The following GPC5 variants were observed in gnomAD, a reference collection of about 807,000 sequenced individuals.
The protein encoded by GPC5 is glypican-5.
In GPC5, 47 loss-of-function variants were observed where a neutral mutation model predicts 53.9. That is an observed-to-expected ratio of 0.87 (90% CI 0.69 to 1.11). GPC5 has a LOEUF of 1.11. Among genes scored for constraint, GPC5 ranks in the 50% most tolerant of loss-of-function variants. The probability of loss-of-function intolerance (pLI) is 0.00; values close to 1 mark genes in which losing one functional copy is unlikely to be tolerated. For missense variants in GPC5, 748 were observed against 713.1 expected (o/e 1.05, Z -0.56); for synonymous variants, 286 against 263.3 (o/e 1.09, Z -0.84).
intron 7 of GPC5, among the ~76,000 whole-genome samples, chr13:92,403,386 G>A (rs542017493): frequency 7.0e-4 from 107 of 152,298 alleles, no homozygotes; most frequent in Non-Finnish European, 6.0e-4. Flanking sequence ...GGCCTGTTAG[G>A]AACTGGTCCA....
intron 7 of GPC5, among the ~76,000 whole-genome samples, chr13:92,655,948 T>A (rs764058741): frequency 1.4e-4 from 21 of 152,192 alleles, no homozygotes; most frequent in Non-Finnish European, 2.5e-4. Flanking sequence ...TAGCAAACAC[T>A]GTATTAGGTT....
intron 5 of GPC5, among the ~76,000 whole-genome samples, chr13:91,848,554 A>G (rs1189809295): frequency 2.0e-5 from 3 of 152,198 alleles, no homozygotes; most frequent in Admixed American, 2.0e-4. Context: ...AAGAACAGAA[A>G]CTGGAAATAG....
At chr13:91,680,031 C>G (rs1319995211) in intron 2 of GPC5, among the ~76,000 whole-genome samples, 1 of 152,034 alleles carries the variant, frequency 6.6e-6, no homozygotes, top group Non-Finnish European at 1.5e-5. Flanking sequence ...CGAAATGAGT[C>G]TATAGCTTCA....
chr13:92,637,837 C>T (rs1885458535), intron 7 of GPC5, among the ~76,000 whole-genome samples: 1 of 151,908 alleles, frequency 6.6e-6, no homozygotes, highest in Non-Finnish European at 1.5e-5. Context: ...TAGATAATGA[C>T]ATTAAAACAG....
At chr13:92,423,895 T>C (rs1240807856) in intron 7 of GPC5, among the ~76,000 whole-genome samples, 2 of 152,160 alleles carry the variant, frequency 1.3e-5, no homozygotes, top group Non-Finnish European at 2.9e-5. Context: ...AGAGCCGCGT[T>C]AAACAGATAA....
At chr13:92,251,558 A>G (rs2042692839) in intron 7 of GPC5, among the ~76,000 whole-genome samples, 1 of 151,586 alleles carries the variant, frequency 6.6e-6, no homozygotes. Flanking sequence ...TGCTCCCTAC[A>G]TGATCATGGG....
intron 7 of GPC5, among the ~76,000 whole-genome samples, chr13:92,456,938 G>C (rs189187981): frequency 2.8e-4 from 42 of 152,200 alleles, no homozygotes; most frequent in Admixed American, 4.6e-4. Context: ...GGGTACGAAT[G>C]ATTCCATTCC....
chr13:91,798,048 G>T (rs1459621399), intron 5 of GPC5, among the ~76,000 whole-genome samples: 1 of 152,168 alleles, frequency 6.6e-6, no homozygotes, highest in African/African-American at 2.4e-5. Flanking sequence ...GAAAGGAGTG[G>T]TTCCAAAAGT....
At chr13:91,889,678 C>T (rs2039364238) in intron 5 of GPC5, among the ~76,000 whole-genome samples, 1 of 152,070 alleles carries the variant, frequency 6.6e-6, no homozygotes, top group Non-Finnish European at 1.5e-5. Flanking sequence ...TTTTAGATTA[C>T]TTTAGTATCA....
At chr13:91,428,555 T>C (rs1334690266) in intron 1 of GPC5, among the ~76,000 whole-genome samples, 1 of 152,148 alleles carries the variant, frequency 6.6e-6, no homozygotes, top group Non-Finnish European at 1.5e-5. Flanking sequence ...TATTCCAAAC[T>C]GGTATGTTGG....
At chr13:91,649,605 T>G (rs1327012613) in intron 2 of GPC5, among the ~76,000 whole-genome samples, 5 of 152,198 alleles carry the variant, frequency 3.3e-5, no homozygotes, top group African/African-American at 1.2e-4. Context: ...AAACAGGACT[T>G]ATATTTGCAA....
At chr13:92,620,860 GACTT>G (rs1453617033) in intron 7 of GPC5, among the ~76,000 whole-genome samples, 1 of 152,178 alleles carries the variant, frequency 6.6e-6, no homozygotes, top group African/African-American at 2.4e-5. Flanking sequence ...CAGGTCTGTG[GACTT>G]ACTTTATCCC....
intron 7 of GPC5, among the ~76,000 whole-genome samples, chr13:92,385,894 A>C (rs934082367): frequency 6.6e-6 from 1 of 151,100 alleles, no homozygotes; most frequent in Non-Finnish European, 1.5e-5. Flanking sequence ...AAACATACCC[A>C]AGTGACTCAC....
intron 7 of GPC5, among the ~76,000 whole-genome samples, chr13:92,783,539 A>G (rs1343479401): frequency 6.6e-6 from 1 of 152,186 alleles, no homozygotes; most frequent in Non-Finnish European, 1.5e-5. Context: ...TCAGGAGCTA[A>G]ACCGTAGTGT....
intron 6 of GPC5, among the ~76,000 whole-genome samples, chr13:92,122,597 T>G (rs568053677): frequency 1.1e-4 from 16 of 150,024 alleles, no homozygotes; most frequent in Non-Finnish European, 1.9e-4. Context: ...TTGTAGGCAG[T>G]TTTCTTGCTA....
intron 3 of GPC5, among the ~76,000 whole-genome samples, chr13:91,707,328 TA>T (rs1404456977): frequency 1.3e-5 from 2 of 152,064 alleles, no homozygotes; most frequent in Non-Finnish European, 2.9e-5. Flanking sequence ...TGGCTATATT[TA>T]AAAAGATAAA....
intron 2 of GPC5, among the ~76,000 whole-genome samples, chr13:91,604,290 T>G (rs2033281816): frequency 6.9e-6 from 1 of 144,312 alleles, no homozygotes. Flanking sequence ...ACTCATCATT[T>G]TTTATGGCTG....
chr13:91,682,237 A>G (rs1298914403), intron 2 of GPC5, among the ~76,000 whole-genome samples: 1 of 152,236 alleles, frequency 6.6e-6, no homozygotes, highest in Non-Finnish European at 1.5e-5. Flanking sequence ...TCGTGCTAGT[A>G]AGAGTACCCG....
intron 2 of GPC5, among the ~76,000 whole-genome samples, chr13:91,455,664 T>C (rs1202712936): frequency 1.3e-5 from 2 of 152,162 alleles, no homozygotes; most frequent in African/African-American, 4.8e-5. Context: ...TTTCTTTTTA[T>C]GTGCTATAGA....
Sources: allele counts gnomAD v4.1 joint callset (sites outside exome capture counted in the v4.1 genomes callset), GRCh38; gene constraint gnomAD v4.1.1; transcripts MANE v1.5; gene names NCBI Gene and HGNC (gene_info 2026-07-23, HGNC 2026-07-21).